The following MROH2A variants were observed in gnomAD, a reference collection of about 807,000 sequenced individuals.
The protein encoded by MROH2A is maestro heat-like repeat-containing protein family member 2A.
MROH2A carries 174 observed loss-of-function variants against 200.4 expected under a neutral mutation model. The observed-to-expected ratio is 0.87, with a 90% confidence interval of 0.77 to 0.98. The LOEUF is 0.98. Ranked by LOEUF, MROH2A falls within the 50% of genes least tolerant of loss-of-function variation. The pLI is 0.00. For synonymous variants in MROH2A, 829 were observed against 840.4 expected, an observed-to-expected ratio of 0.99 and a Z score of 0.23; for missense variants, 2,045 against 2,139.6, an observed-to-expected ratio of 0.96 and a Z score of 0.87.
rs1169908917 is a variant in MROH2A, at chr2:233,831,396, T to G, written c.4603-13T>G. ...CTGGCTGATGGCTCTGCTGCCGTCCTGTGTCCCTGCAGGCCTGTATGGCTA... is the reference window on the plus strand; with the variant it reads ...CTGGCTGATGGCTCTGCTGCCGTCCGGTGTCCCTGCAGGCCTGTATGGCTA... On this transcript the variant is annotated splice_polypyrimidine_tract_variant and intron_variant, in intron 38 of 41. Coordinates refer to ENST00000389758, the MANE Select transcript of MROH2A (RefSeq NM_001394639.1). 1.3e-6 allele frequency: 2 copies of G among 1,544,244 alleles called. No homozygotes were observed. Among genetic ancestry groups the G allele is most frequent in the Non-Finnish European group, 1.7e-6 (2 of 1,144,050 alleles).
intron 3 of MROH2A, 149 bp from the exon 4 acceptor site, chr2:233,789,348 G>A: frequency 2.5e-6 from 2 of 815,374 alleles, no homozygotes; most frequent in Non-Finnish European, 3.4e-6. Flanking sequence ...CGAAGCAGGA[G>A]GATTTAGAAA....
At chr2:233,776,035 C>A (rs1179019070), upstream of MROH2A, among the ~76,000 whole-genome samples, 1 of 152,144 alleles carries the variant, frequency 6.6e-6, no homozygotes, top group Non-Finnish European at 1.5e-5. Context: ...GCCTCCCCAG[C>A]CATGTGGAAC....
At chr2:233,797,313 A>G (rs767412127) in intron 11 of MROH2A, among the ~76,000 whole-genome samples, 3 of 152,256 alleles carry the variant, frequency 2.0e-5, no homozygotes, top group Admixed American at 6.5e-5. Flanking sequence ...TTTGTCAACC[A>G]TCCAAAGGAC....
chr2:233,798,928 G>T lies in MROH2A; in HGVS notation c.1329+78G>T. On this transcript the variant is annotated intron_variant, in intron 12 of 41. Coordinates refer to ENST00000389758, the MANE Select transcript of MROH2A (RefSeq NM_001394639.1). ...AGGCAAAGGGAAGTCTGGGCTCTGG[G>T]AGGCAGAGGCTTTTGATGGAAAACC... 5 of 1,179,958 alleles carry T rather than the reference G, an allele frequency of 4.2e-6. No homozygotes were observed. In the South Asian group the frequency reaches 6.5e-5, roughly 15 times the overall value. The allele number at this position is 1,179,958 out of a possible 1,614,324, so 73.1% of individuals were successfully genotyped here. A position where few individuals can be genotyped will look rare whatever the true frequency, so the allele number is the denominator to read the frequency against.
At position 233,828,592 on chromosome 2, in the gene MROH2A, C is replaced by A; in HGVS notation, c.4114-38C>A. 2 of 1,541,254 alleles carry A rather than the reference C, an allele frequency of 1.3e-6. No homozygotes were observed. The highest frequency in any genetic ancestry group is 2.5e-5 in the East Asian group (1 of 40,672). On this transcript the variant is annotated intron_variant, in intron 35 of 41. Coordinates refer to ENST00000389758, the MANE Select transcript of MROH2A (RefSeq NM_001394639.1). This position sits in a 1 kb window ranked among gnomAD's most constrained non-coding sequence, Gnocchi z 4.6. The stretch of plus-strand genomic sequence containing the variant: ...CCCACCTTGCTGCTGAGAAATGAGC[C>A]CGCCCTGGGGATAACTGCCCAATGT...
chr2:233,827,422 G>T (rs1193960875), intron 35 of MROH2A, among the ~76,000 whole-genome samples: 1 of 152,126 alleles, frequency 6.6e-6, no homozygotes, highest in African/African-American at 2.4e-5. Context: ...TCCTTTGCAG[G>T]GACATGGATG....
rs997505928 is a variant in MROH2A, at chr2:233,807,144, T to G, written c.2053-279T>G. On this transcript the variant is annotated intron_variant, in intron 19 of 41. Transcript: ENST00000389758. The surrounding 1 kb of genome is among the most constrained non-coding windows in gnomAD (Gnocchi z 4.3). ...ATTCTTTTTTGTGGCTGAGTAGTAT[T>G]CCATTATATATATATATAATATGAA... Among the ~76,000 whole-genome samples, 5 of 131,986 alleles carry G rather than the reference T, an allele frequency of 3.8e-5. No homozygotes were observed. Among genetic ancestry groups the G allele is most frequent in the African/African-American group, 1.7e-4 (5 of 29,210 alleles). 86.6% of individuals were successfully genotyped at this position (131,986 alleles called of 152,430 possible).
intron 35 of MROH2A, 56 bp downstream of exon 35, chr2:233,823,720 G>A: frequency 6.5e-7 from 1 of 1,531,270 alleles, no homozygotes; most frequent in South Asian, 1.2e-5. Flanking sequence ...TGGGGTCCCT[G>A]GATTCTTCTG....
chr2:233,788,904 A>G (rs911391022), intron 3 of MROH2A, among the ~76,000 whole-genome samples: 1 of 130,338 alleles, frequency 7.7e-6, no homozygotes, highest in Non-Finnish European at 1.5e-5. Flanking sequence ...GCGCCACTGC[A>G]CTCCAGCCCG....
chr2:233,822,952 A>T lies in MROH2A; in HGVS notation c.3938A>T (p.Glu1313Val), dbSNP rs1471371207. ...CAGCACCTGGCACATACCCTGGACG[A>T]GCAGGCAGTGTGGGACCTCCTGCAG... is the stretch of plus-strand genomic sequence containing the variant. Reference protein sequence around the residue: ...KSQHLAHTLDEQAVWDLLQDG... With the variant: ...KSQHLAHTLDVQAVWDLLQDG... The change falls in exon 34 of 42, where the codon GAG becomes GTG. Residue 1313 changes from glutamate (E) to valine (V), a missense_variant. Glu to Val is a moderately radical substitution (Grantham distance 121). Around this residue, in one of 3 missense-constraint regions of MROH2A, gnomAD observed 1,201 missense variants for 1,311.3 expected, o/e 0.92. Transcript: ENST00000389758. The T allele has an allele frequency of 8.4e-6, 13 of 1,550,496 alleles. No homozygotes were observed. The highest frequency in any genetic ancestry group is 1.7e-4 in the Middle Eastern group (1 of 6,014).
At chr2:233,822,830 G>C in intron 33 of MROH2A, 51 bp from the exon 34 acceptor site, 1 of 1,542,022 alleles carries the variant, frequency 6.5e-7, no homozygotes, top group Non-Finnish European at 8.8e-7. Context: ...GCCTCCCCAG[G>C]CCATGCGCTC....
At position 233,828,156 on chromosome 2, in the gene MROH2A, G is replaced by A. The variant is rs1031063185; in HGVS notation, c.4114-474G>A. Reference sequence around the variant, plus strand: ...CACCAATTTGGTGTTTAGTTTTCAGGCCTCTTTCAAACATACTCAGGTACT... The same window carrying A: ...CACCAATTTGGTGTTTAGTTTTCAGACCTCTTTCAAACATACTCAGGTACT... On this transcript the variant is annotated intron_variant, in intron 35 of 41. Coordinates refer to ENST00000389758, the MANE Select transcript of MROH2A (RefSeq NM_001394639.1). This position sits in a 1 kb window ranked among gnomAD's most constrained non-coding sequence, Gnocchi z 4.6. Among the ~76,000 whole-genome samples, 2 of 152,110 alleles carry A rather than the reference G, an allele frequency of 1.3e-5. No homozygotes were observed. Among genetic ancestry groups the A allele is most frequent in the Admixed American group, 6.5e-5 (1 of 15,278 alleles).
At chr2:233,822,611 G>C (rs915271555) in intron 33 of MROH2A, 55 bp downstream of exon 33, 2 of 1,511,884 alleles carry the variant, frequency 1.3e-6, no homozygotes, top group Non-Finnish European at 8.9e-7. Flanking sequence ...CTGTAGCCAC[G>C]GGCTGCCCCT....
chr2:233,822,930 C>T lies in MROH2A; in HGVS notation c.3916C>T (p.His1306Tyr). ...CTTGTTCAAGAGAGTCAAGAGCCAG[C>T]ACCTGGCACATACCCTGGACGAGCA... ...QLLFKRVKSQHLAHTLDEQAV... is the reference protein window; with the variant it reads ...QLLFKRVKSQYLAHTLDEQAV... Residue 1306 changes from histidine to tyrosine, a missense_variant, in exon 34 of 42, where the codon CAC becomes TAC. Transcript: ENST00000389758. The T allele has an allele frequency of 1.9e-6, 3 of 1,550,632 alleles. No individual in the cohort carries two copies. Among genetic ancestry groups the T allele is most frequent in the Non-Finnish European group, 2.6e-6 (3 of 1,146,992 alleles).
chr2:233,800,256 C>T lies in MROH2A; in HGVS notation c.1501C>T (p.His501Tyr). ...YQRDLEERMV[H>Y]KVTMDTVKII... ...GAGGGACTTGGAGGAGAGGATGGTCCACAAAGTCACCATGGACACTGTGAA... is the reference window on the plus strand; with the variant it reads ...GAGGGACTTGGAGGAGAGGATGGTCTACAAAGTCACCATGGACACTGTGAA... Residue 501 changes from histidine to tyrosine, a missense_variant, in exon 14 of 42, where the codon CAC becomes TAC. By Grantham distance (83) the His-to-Tyr change is moderately conservative. This residue lies in a region of MROH2A where 831 missense variants were observed against 800.0 expected (regional missense o/e 1.04). Transcript: ENST00000389758. The T allele has an allele frequency of 1.9e-6, 3 of 1,550,248 alleles. No individual in the cohort carries two copies. The highest frequency in any genetic ancestry group is 2.6e-6 in the Non-Finnish European group (3 of 1,146,866).
intron 14 of MROH2A, 126 bp from the exon 15 acceptor site, chr2:233,802,042 G>C (rs1702506636): frequency 9.2e-7 from 1 of 1,089,394 alleles, no homozygotes. Flanking sequence ...TCAGGGCTGA[G>C]ACTGTCAGGG....
At chr2:233,812,128 C>T (rs188274880) in intron 24 of MROH2A, among the ~76,000 whole-genome samples, 169 bp downstream of exon 24, 69 of 152,288 alleles carry the variant, frequency 4.5e-4, no homozygotes, top group African/African-American at 1.1e-3. Flanking sequence ...TGATGGGGGT[C>T]GGCCTCAGCC....
rs534080010 is a variant in MROH2A at position 233,833,196 on chromosome 2, G to A, written c.4962G>A (p.Thr1654=). ...DPGVRRAALE[T]LTVLDSCSQH... Reference sequence around the variant, plus strand: ...GGGTCAGGAGGGCAGCCCTGGAGACGCTCACAGTCTTGGATAGCTGTAGTC... The same window carrying A: ...GGGTCAGGAGGGCAGCCCTGGAGACACTCACAGTCTTGGATAGCTGTAGTC... Residue 1654 remains threonine, a synonymous_variant, in exon 42 of 42, where the codon ACG becomes ACA. Coordinates refer to ENST00000389758, the MANE Select transcript of MROH2A (RefSeq NM_001394639.1). 293 of 1,550,420 alleles carry A rather than the reference G, an allele frequency of 1.9e-4. No individual in the cohort carries two copies. In the African/African-American group the frequency reaches 3.4e-3, roughly 18 times the overall value.
At position 233,832,758 on chromosome 2, in the gene MROH2A, G is replaced by T. The variant is rs573270895; in HGVS notation, c.4903+114G>T. 261 of 654,848 alleles carry T rather than the reference G, an allele frequency of 4.0e-4. 4 individuals carry two copies. The highest frequency in any genetic ancestry group is 8.2e-4 in the African/African-American group (45 of 54,904). The allele number at this position is 654,848 out of a possible 1,614,324, so 40.6% of individuals were successfully genotyped here. A position where few individuals can be genotyped will look rare whatever the true frequency, so the allele number is the denominator to read the frequency against. On this transcript the variant is annotated intron_variant, in intron 41 of 41. Transcript: ENST00000389758. Reference sequence around the variant, plus strand: ...AGGACCCTTTGCTGTGGGGTTTCGGGGGGGTGGGAGTGCAACCAGGGCAGA... The same window carrying T: ...AGGACCCTTTGCTGTGGGGTTTCGGTGGGGTGGGAGTGCAACCAGGGCAGA...
Sources: gnomAD v4.1 joint callset for allele counts (sites outside exome capture counted in the v4.1 genomes callset) on GRCh38, gnomAD v4.1.1 for gene constraint, gnomAD v4.1.1 regional missense constraint, Gnocchi (gnomAD v3.1) non-coding constraint, MANE v1.5 for transcripts, NCBI Gene and HGNC (gene_info 2026-07-23, HGNC 2026-07-21) for gene names.